ADAMTSL3: variants seen among roughly 807,000 people sequenced by gnomAD.
The protein encoded by ADAMTSL3 is ADAMTS like 3.
In ADAMTSL3, 128 loss-of-function variants were observed where a neutral mutation model predicts 201.7. The observed-to-expected ratio is 0.63, with a 90% CI of 0.55 to 0.73. ADAMTSL3 has a LOEUF of 0.73. ADAMTSL3 is among the 30% of genes least tolerant of loss of function. The pLI, the probability that ADAMTSL3 is intolerant of heterozygous loss-of-function variation, is 0.00. For synonymous variants in ADAMTSL3, 738 were observed against 748.4 expected, an observed-to-expected ratio of 0.99 and a Z score of 0.23; for missense variants, 1,990 against 2,119.6, an observed-to-expected ratio of 0.94 and a Z score of 1.20.
At chr15:83,655,578 T>C (rs1205836729) in intron 1 of ADAMTSL3, among the ~76,000 whole-genome samples, 151 bp from the exon 2 acceptor site, 2 of 152,212 alleles carry the variant, frequency 1.3e-5, no homozygotes, top group Non-Finnish European at 2.9e-5. Context: ...GCCTGCACCC[T>C]GCAGTAGGCA....
chr15:83,669,456 T>G (rs889631473), intron 2 of ADAMTSL3, among the ~76,000 whole-genome samples: 1 of 4,564 alleles, frequency 2.2e-4, no homozygotes, highest in Admixed American at 2.6e-3. Context: ...GAGTGAGGTT[T>G]TTTTTTTTTT....
At chr15:83,903,089 A>G (rs563101715) in intron 15 of ADAMTSL3, among the ~76,000 whole-genome samples, 21 of 152,136 alleles carry the variant, frequency 1.4e-4, no homozygotes, top group Admixed American at 3.9e-4. Flanking sequence ...AAAAATAATC[A>G]AAATACCATT....
intron 6 of ADAMTSL3, among the ~76,000 whole-genome samples, chr15:83,822,773 C>T (rs1188411444): frequency 1.3e-5 from 2 of 151,884 alleles, no homozygotes; most frequent in African/African-American, 4.8e-5. Flanking sequence ...CAGAGACGCT[C>T]CTCACTTCCC....
chr15:84,004,901 G>A (rs1184480867), intron 23 of ADAMTSL3, among the ~76,000 whole-genome samples: 1 of 152,234 alleles, frequency 6.6e-6, no homozygotes, highest in Non-Finnish European at 1.5e-5. Flanking sequence ...TTGGAGAACA[G>A]TGCAGTTCCC....
At chr15:83,880,551 T>G (rs1026250734) in intron 9 of ADAMTSL3, among the ~76,000 whole-genome samples, 4 of 152,260 alleles carry the variant, frequency 2.6e-5, no homozygotes, top group Non-Finnish European at 4.4e-5. Flanking sequence ...AAGTCTATTT[T>G]AATCCACTTT....
Position 83,892,913 on chromosome 15 carries a change from T to C in ADAMTSL3, c.1467+25T>C. On this transcript the variant is annotated intron_variant, in intron 13 of 29. Coordinates refer to ENST00000286744, the MANE Select transcript of ADAMTSL3 (RefSeq NM_207517.3). Reference sequence around the variant, plus strand: ...GGTAAGATTTGAGAATATGCCACTTTTAATTAATTCTCATATTTTAAGGGA... The same window carrying C: ...GGTAAGATTTGAGAATATGCCACTTCTAATTAATTCTCATATTTTAAGGGA... The C allele has an allele frequency of 1.9e-6, 3 of 1,593,910 alleles. No individual in the cohort carries two copies. In the South Asian group the frequency reaches 3.3e-5, roughly 18 times the overall value.
At chr15:83,936,372 A>G (rs2066461224) in intron 17 of ADAMTSL3, among the ~76,000 whole-genome samples, 1 of 150,986 alleles carries the variant, frequency 6.6e-6, no homozygotes, top group Admixed American at 6.6e-5. Context: ...AAATGCTCAC[A>G]AAAACACAGG....
intron 5 of ADAMTSL3, among the ~76,000 whole-genome samples, chr15:83,807,501 A>G (rs2063619227): frequency 6.6e-6 from 1 of 152,292 alleles, no homozygotes; most frequent in South Asian, 2.1e-4. Context: ...GGGTGCAAAA[A>G]GAGGTGTTCA....
At chr15:83,915,087 T>TCTGAGTCACCACATTGCTG (rs2066009506) in intron 16 of ADAMTSL3, among the ~76,000 whole-genome samples, 1 of 152,222 alleles carries the variant, frequency 6.6e-6, no homozygotes, top group Non-Finnish European at 1.5e-5. Context: ...CTCCATTGCT[T>TCTGAGTCACCACATTGCTG]CTGAGTCACC....
intron 2 of ADAMTSL3, among the ~76,000 whole-genome samples, chr15:83,703,171 C>G (rs547027870): frequency 1.3e-5 from 2 of 152,106 alleles, no homozygotes; most frequent in African/African-American, 4.8e-5. Flanking sequence ...TTTGGAATGG[C>G]TGTGTTTATC....
intron 23 of ADAMTSL3, among the ~76,000 whole-genome samples, chr15:84,010,716 TA>T (rs1447805582): frequency 6.6e-6 from 1 of 152,212 alleles, no homozygotes; most frequent in African/African-American, 2.4e-5. Context: ...AGAGAAAATT[TA>T]ACAAGAAGTT....
chr15:83,836,784 C>T (rs1352263747), intron 6 of ADAMTSL3, among the ~76,000 whole-genome samples: 2 of 152,040 alleles, frequency 1.3e-5, no homozygotes, highest in Non-Finnish European at 1.5e-5. Context: ...TTGAGGAAAA[C>T]GAGTCTCTGA....
chr15:83,975,204 A>T (rs4842842), intron 20 of ADAMTSL3, among the ~76,000 whole-genome samples: 4 of 151,396 alleles, frequency 2.6e-5, no homozygotes, highest in Admixed American at 2.6e-4. Context: ...GGGTTTCACC[A>T]TGTTAGCCAG....
chr15:83,976,982 CA>C (rs1470714698), intron 20 of ADAMTSL3, among the ~76,000 whole-genome samples: 1 of 152,062 alleles, frequency 6.6e-6, no homozygotes, highest in African/African-American at 2.4e-5. Flanking sequence ...ATGTTGAGAT[CA>C]GGGGTCCCCA....
chr15:83,740,017 C>G, intron 3 of ADAMTSL3: 1 of 382,602 alleles, frequency 2.6e-6, no homozygotes, highest in Admixed American at 2.4e-5. Flanking sequence ...TGACAGAGTT[C>G]ACACTGACAC....
intron 19 of ADAMTSL3, among the ~76,000 whole-genome samples, chr15:83,955,118 A>G (rs957839517): frequency 6.6e-6 from 1 of 152,176 alleles, no homozygotes; most frequent in African/African-American, 2.4e-5. Context: ...AAGTTCTTTC[A>G]GGCCCTGGGC....
At chr15:83,954,364 A>G (rs2066814773) in intron 19 of ADAMTSL3, among the ~76,000 whole-genome samples, 2 of 152,208 alleles carry the variant, frequency 1.3e-5, no homozygotes, top group Admixed American at 1.3e-4. Flanking sequence ...TTTTAAATCT[A>G]GAATTTCTGC....
chr15:83,934,181 G>A (rs566723177), intron 17 of ADAMTSL3, among the ~76,000 whole-genome samples: 17 of 152,182 alleles, frequency 1.1e-4, no homozygotes, highest in African/African-American at 3.6e-4. Flanking sequence ...TGGGAGGGGG[G>A]GCTGTACCCT....
intron 20 of ADAMTSL3, among the ~76,000 whole-genome samples, chr15:83,973,534 C>T (rs2067231504): frequency 6.6e-6 from 1 of 152,158 alleles, no homozygotes; most frequent in Non-Finnish European, 1.5e-5. Flanking sequence ...TATCACCGTG[C>T]TAATTTGATA....
Sources: allele counts gnomAD v4.1 joint callset (sites outside exome capture counted in the v4.1 genomes callset), GRCh38; gene constraint gnomAD v4.1.1; transcripts MANE v1.5; gene names NCBI Gene and HGNC (gene_info 2026-07-23, HGNC 2026-07-21).